Variants in PSEN1 observed in about 807,000 individuals in gnomAD.
The protein encoded by PSEN1 is presenilin 1.
A neutral mutation model predicts 53.5 loss-of-function variants in PSEN1; 15 were observed. The ratio of observed to expected loss-of-function variants is 0.28; its 90% CI spans 0.19 to 0.43. The LOEUF is 0.43. Ranked by LOEUF, PSEN1 falls within the 20% of genes least tolerant of loss-of-function variation. PSEN1 has a pLI of 1.00. For missense variants in PSEN1, 387 were observed against 571.2 expected (o/e 0.68, Z 3.29); for synonymous variants, 208 against 209.8 (o/e 0.99, Z 0.08).
intron 5 of PSEN1, among the ~76,000 whole-genome samples, chr14:73,182,033 C>G (rs1318117667): frequency 6.6e-6 from 1 of 152,156 alleles, no homozygotes. Flanking sequence ...CTCAGCCTCC[C>G]AAACTGCTGG....
chr14:73,151,480 G>T (rs1897222155), intron 3 of PSEN1, among the ~76,000 whole-genome samples: 1 of 152,154 alleles, frequency 6.6e-6, no homozygotes, highest in Non-Finnish European at 1.5e-5. Context: ...AGAAAAATAA[G>T]AGAAGAAAAG....
chr14:73,154,136 G>A (rs1267886773), intron 3 of PSEN1, among the ~76,000 whole-genome samples: 2 of 152,196 alleles, frequency 1.3e-5, no homozygotes, highest in East Asian at 1.9e-4. Context: ...GCTTACATGC[G>A]TGCATGAAAT....
chr14:73,179,784 G>A (rs1047517862), intron 5 of PSEN1, among the ~76,000 whole-genome samples: 2 of 152,068 alleles, frequency 1.3e-5, no homozygotes, highest in African/African-American at 4.8e-5. Flanking sequence ...TCAGCTCACT[G>A]CTAGTACTTC....
chr14:73,202,418 CTATATATATATA>C (rs1248311168), intron 8 of PSEN1, among the ~76,000 whole-genome samples: 311 of 27,206 alleles, frequency 0.011, 6 homozygotes, highest in South Asian at 0.014. Context: ...CTATCACATA[CTATATATATATA>C]TATATATATA....
intron 7 of PSEN1, among the ~76,000 whole-genome samples, chr14:73,195,319 C>T (rs1442409275): frequency 9.9e-5 from 15 of 152,142 alleles, no homozygotes; most frequent in East Asian, 9.7e-4. Context: ...ACTACAAGTG[C>T]GCACCACCAC....
Position 73,220,357 on chromosome 14 carries a change from C to G in PSEN1, c.*1068C>G, listed in dbSNP as rs1900093782. 2 of 152,590 alleles carry G rather than the reference C, an allele frequency of 1.3e-5. No homozygotes were observed. Among genetic ancestry groups the G allele is most frequent in the African/African-American group, 4.8e-5 (2 of 41,422 alleles). The allele number at this position is 152,590 out of a possible 1,614,324, so 9.5% of individuals were successfully genotyped here. On this transcript the variant is annotated 3_prime_UTR_variant, in exon 12 of 12. Coordinates refer to ENST00000324501, the MANE Select transcript of PSEN1 (RefSeq NM_000021.4). ...TCTTCCACAGCAAATGAGATGTATGCCCAAAGACGGTAGAATTAAAGAAGA... is the reference window on the plus strand; with the variant it reads ...TCTTCCACAGCAAATGAGATGTATGGCCAAAGACGGTAGAATTAAAGAAGA...
Position 73,181,878 on chromosome 14 carries a change from A to G in PSEN1, c.481-4975A>G, listed in dbSNP as rs181081592. 4.7e-4 allele frequency among the ~76,000 whole-genome samples: 71 copies of G among 152,216 alleles called. 1 individual carries two copies. In the East Asian group the frequency reaches 8.7e-3, roughly 19 times the overall value. On this transcript the variant is annotated intron_variant, in intron 5 of 11. Coordinates refer to ENST00000324501, the MANE Select transcript of PSEN1 (RefSeq NM_000021.4). ...ACCCTATACCTCCTGGGTTCAAGCA[A>G]TCCTCCCACCTCAACCTCCATGGTA...
At chr14:73,186,604 C>T (rs1898522048) in intron 5 of PSEN1, among the ~76,000 whole-genome samples, 1 of 152,116 alleles carries the variant, frequency 6.6e-6, no homozygotes, top group African/African-American at 2.4e-5. Flanking sequence ...TGGCGAAACC[C>T]TGTCTCTACT....
At chr14:73,182,884 T>G (rs1373072569) in intron 5 of PSEN1, among the ~76,000 whole-genome samples, 1 of 151,994 alleles carries the variant, frequency 6.6e-6, no homozygotes, top group Admixed American at 6.6e-5. Context: ...AATAAGAACA[T>G]CTCCTTCTTC....
At chr14:73,184,027 G>A (rs1225958787) in intron 5 of PSEN1, among the ~76,000 whole-genome samples, 16 of 129,418 alleles carry the variant, frequency 1.2e-4, no homozygotes, top group Non-Finnish European at 2.1e-4. Flanking sequence ...CTCACCTCCC[G>A]GACGGGGCGG....
chr14:73,184,769 C>T (rs373522479), intron 5 of PSEN1, among the ~76,000 whole-genome samples: 4 of 147,704 alleles, frequency 2.7e-5, no homozygotes, highest in Admixed American at 2.0e-4. Context: ...CCCTCCCGGA[C>T]GGGGTGGCTG....
chr14:73,167,042 T>C (rs188003078), intron 3 of PSEN1, among the ~76,000 whole-genome samples: 2 of 152,328 alleles, frequency 1.3e-5, no homozygotes, highest in Admixed American at 1.3e-4. Context: ...TCTTCTTTTT[T>C]GTATCTTTTG....
chr14:73,202,211 A>ATTT (rs35093253), intron 8 of PSEN1, among the ~76,000 whole-genome samples: 1 of 145,402 alleles, frequency 6.9e-6, no homozygotes, highest in African/African-American at 2.5e-5. Flanking sequence ...TACCTGGCTA[A>ATTT]TTTTTTTTTT....
At chr14:73,143,191 C>A (rs1034393618) in intron 1 of PSEN1, among the ~76,000 whole-genome samples, 2 of 152,184 alleles carry the variant, frequency 1.3e-5, no homozygotes, top group African/African-American at 4.8e-5. Context: ...CTGCCCCTTT[C>A]TTTGTACCAG....
chr14:73,195,352 T>C (rs555351933), intron 7 of PSEN1, among the ~76,000 whole-genome samples: 1 of 152,210 alleles, frequency 6.6e-6, no homozygotes, highest in African/African-American at 2.4e-5. Context: ...TTTGTATTTT[T>C]AGTAGAGACG....
At chr14:73,184,143 C>T (rs1305714560) in intron 5 of PSEN1, among the ~76,000 whole-genome samples, 7 of 103,436 alleles carry the variant, frequency 6.8e-5, no homozygotes, top group East Asian at 2.9e-4. Context: ...GGCGGCTGGC[C>T]GGCCGGGGGG....
chr14:73,172,927 G>GA (rs1897934189), intron 4 of PSEN1, among the ~76,000 whole-genome samples: 3 of 152,136 alleles, frequency 2.0e-5, no homozygotes, highest in Non-Finnish European at 4.4e-5. Flanking sequence ...GGACATGTCA[G>GA]CAGAATTCTC....
chr14:73,199,411 C>A (rs1047979355), intron 8 of PSEN1, among the ~76,000 whole-genome samples: 4 of 152,114 alleles, frequency 2.6e-5, no homozygotes, highest in Non-Finnish European at 5.9e-5. Context: ...ATTGGGCAAG[C>A]CAGTATTTTT....
At chr14:73,157,721 C>T (rs1422720337) in intron 3 of PSEN1, among the ~76,000 whole-genome samples, 2 of 152,018 alleles carry the variant, frequency 1.3e-5, no homozygotes, top group African/African-American at 2.4e-5. Context: ...TAGTATCATA[C>T]AGGCCGGGCA....
Sources: gnomAD v4.1 joint callset for allele counts (sites outside exome capture counted in the v4.1 genomes callset) on GRCh38, gnomAD v4.1.1 for gene constraint, MANE v1.5 for transcripts, NCBI Gene and HGNC (gene_info 2026-07-23, HGNC 2026-07-21) for gene names.